The following PARVA variants were observed in gnomAD, a reference collection of about 807,000 sequenced individuals.
PARVA encodes the protein parvin alpha.
PARVA carries 25 observed loss-of-function variants against 52.6 expected under a neutral mutation model. That is an observed-to-expected ratio of 0.48 (90% CI 0.35 to 0.66). The LOEUF (loss-of-function observed/expected upper bound fraction) is 0.66. PARVA is among the 30% of genes least tolerant of loss of function. The pLI is 0.01. For missense variants in PARVA, 373 were observed against 450.9 expected (o/e 0.83, Z 1.56); for synonymous variants, 185 against 179.1 (o/e 1.03, Z -0.26).
At chr11:12,464,296 TC>T (rs1940825874) in intron 1 of PARVA, among the ~76,000 whole-genome samples, 1 of 152,244 alleles carries the variant, frequency 6.6e-6, no homozygotes, top group African/African-American at 2.4e-5. Context: ...TACTGATGTC[TC>T]TAACTCCAAT....
intron 1 of PARVA, among the ~76,000 whole-genome samples, chr11:12,414,736 G>C (rs1940040561): frequency 6.6e-6 from 1 of 151,662 alleles, no homozygotes; most frequent in Non-Finnish European, 1.5e-5. Flanking sequence ...GAAGTGAAAA[G>C]AATTGTGAAA....
At chr11:12,440,502 A>G (rs1940451250) in intron 1 of PARVA, among the ~76,000 whole-genome samples, 1 of 152,240 alleles carries the variant, frequency 6.6e-6, no homozygotes, top group African/African-American at 2.4e-5. Flanking sequence ...TTAGCAGCTT[A>G]AAACAATCCA....
At chr11:12,399,499 A>T (rs1207986071) in intron 1 of PARVA, among the ~76,000 whole-genome samples, 3 of 152,242 alleles carry the variant, frequency 2.0e-5, no homozygotes, top group Non-Finnish European at 4.4e-5. Flanking sequence ...TGTCATAGCA[A>T]TATCAAATTG....
At chr11:12,468,395 T>C (rs1320630023) in intron 1 of PARVA, among the ~76,000 whole-genome samples, 1 of 152,242 alleles carries the variant, frequency 6.6e-6, no homozygotes, top group East Asian at 1.9e-4. Flanking sequence ...ATGTTTGCTT[T>C]TCCCCTGGTA....
intron 4 of PARVA, chr11:12,478,324 A>G: frequency 2.9e-6 from 1 of 348,992 alleles, no homozygotes; most frequent in South Asian, 2.3e-5. Context: ...GCATTTTTAG[A>G]CCTCTGTCAC....
intron 1 of PARVA, among the ~76,000 whole-genome samples, chr11:12,414,191 C>T (rs112859620): frequency 1.2e-4 from 19 of 152,340 alleles, no homozygotes; most frequent in African/African-American, 3.1e-4. Flanking sequence ...ATTTTCCCTT[C>T]GGCAGTGTTT....
chr11:12,497,048 T>C (rs894171621), intron 5 of PARVA, among the ~76,000 whole-genome samples: 1 of 152,178 alleles, frequency 6.6e-6, no homozygotes, highest in Non-Finnish European at 1.5e-5. Flanking sequence ...CTTCATTTTC[T>C]AGAAAGAGCA....
At chr11:12,396,482 T>A (rs574034822) in intron 1 of PARVA, among the ~76,000 whole-genome samples, 1 of 152,338 alleles carries the variant, frequency 6.6e-6, no homozygotes, top group East Asian at 1.9e-4. Flanking sequence ...CTGTGTCACC[T>A]GGGACAGGTT....
chr11:12,513,515 T>C, intron 9 of PARVA, 155 bp downstream of exon 9: 1 of 761,862 alleles, frequency 1.3e-6, no homozygotes, highest in Non-Finnish European at 2.4e-6. Flanking sequence ...TCCATGTACC[T>C]GTCTGTTCCT....
chr11:12,457,460 C>G (rs1335688039), intron 1 of PARVA, among the ~76,000 whole-genome samples: 1 of 152,232 alleles, frequency 6.6e-6, no homozygotes, highest in East Asian at 1.9e-4. Context: ...GCTTCACAGT[C>G]AGTGTCCTGA....
chr11:12,533,847 T>C lies in PARVA; in HGVS notation c.*5922T>C, dbSNP rs906813415. 6.6e-6 allele frequency among the ~76,000 whole-genome samples: 1 copy of C among 150,824 alleles called. No individual in the cohort carries two copies. Among genetic ancestry groups the C allele is most frequent in the Non-Finnish European group, 1.5e-5 (1 of 67,876 alleles). ...GAGGAGGAGGAGTAGGGGTTGGTCT[T>C]GCTGTCTGAGGGGTGGCAGAGGCAG... On this transcript the variant is annotated 3_prime_UTR_variant, in exon 13 of 13. Transcript: ENST00000334956.
chr11:12,479,492 C>T (rs1258990285), intron 4 of PARVA: 1 of 152,124 alleles, frequency 6.6e-6, no homozygotes, highest in Non-Finnish European at 1.5e-5. Context: ...TTTCTGGAGA[C>T]GGGGTTTTGC....
At chr11:12,496,625 C>A in intron 5 of PARVA, 27 bp downstream of exon 5, 1 of 1,603,700 alleles carries the variant, frequency 6.2e-7, no homozygotes, top group South Asian at 1.1e-5. Flanking sequence ...AAAGGGGCAC[C>A]ATTAAACAAT....
At chr11:12,439,736 C>T (rs1352010561) in intron 1 of PARVA, among the ~76,000 whole-genome samples, 1 of 152,212 alleles carries the variant, frequency 6.6e-6, no homozygotes, top group African/African-American at 2.4e-5. Context: ...TCTGCTTTCT[C>T]TGCCCCAGCT....
At chr11:12,438,265 A>AC (rs1442309226) in intron 1 of PARVA, among the ~76,000 whole-genome samples, 1 of 151,916 alleles carries the variant, frequency 6.6e-6, no homozygotes, top group African/African-American at 2.4e-5. Context: ...ATCTCAAAAA[A>AC]AAAAAAAAAA....
At chr11:12,482,142 A>T (rs951662198) in intron 4 of PARVA, among the ~76,000 whole-genome samples, 1 of 148,668 alleles carries the variant, frequency 6.7e-6, no homozygotes. Flanking sequence ...GGCAGCAAGA[A>T]CGAAACCCTG....
At chr11:12,440,744 C>T (rs1387398549) in intron 1 of PARVA, among the ~76,000 whole-genome samples, 1 of 152,206 alleles carries the variant, frequency 6.6e-6, no homozygotes. Context: ...ACTGTTCTTA[C>T]CTCCAAGGGG....
chr11:12,403,215 C>A (rs1219512271), intron 1 of PARVA, among the ~76,000 whole-genome samples: 1 of 152,240 alleles, frequency 6.6e-6, no homozygotes, highest in Admixed American at 6.5e-5. Context: ...TCCTGTCCCC[C>A]TCCCTCTTCC....
intron 1 of PARVA, among the ~76,000 whole-genome samples, chr11:12,409,054 T>TAGGTCCCAC (rs1939955086): frequency 6.6e-6 from 1 of 152,194 alleles, no homozygotes; most frequent in Admixed American, 6.5e-5. Context: ...GGGCCAAAGG[T>TAGGTCCCAC]AGGTCCCACA....
Sources: allele counts gnomAD v4.1 joint callset (sites outside exome capture counted in the v4.1 genomes callset), GRCh38; gene constraint gnomAD v4.1.1; transcripts MANE v1.5; gene names NCBI Gene and HGNC (gene_info 2026-07-23, HGNC 2026-07-21).